The following PFDN1 variants were observed in gnomAD, a reference collection of about 807,000 sequenced individuals.
PFDN1 encodes the protein prefoldin 1.
Under a neutral mutation model 17.3 loss-of-function variants are expected in PFDN1, and 6 were observed. The ratio of observed to expected loss-of-function variants is 0.35; its 90% confidence interval spans 0.19 to 0.69. The LOEUF (loss-of-function observed/expected upper bound fraction) is 0.69. Ranked by LOEUF, PFDN1 falls within the 30% of genes least tolerant of loss-of-function variation. PFDN1 has a pLI of 0.65. For synonymous variants in PFDN1, 58 were observed against 50.1 expected (o/e 1.16, Z -0.67); for missense variants, 113 against 146.2 (o/e 0.77, Z 1.17).
rs1645408202 is a variant in PFDN1, at chr5:140,245,739, C to T, written c.*235G>A. The T allele has an allele frequency of 1.6e-6, 1 of 611,504 alleles. No individual in the cohort carries two copies. Among genetic ancestry groups the T allele is most frequent in the Non-Finnish European group, 2.9e-6 (1 of 344,076 alleles). The allele number at this position is 611,504 out of a possible 1,614,324, so 37.9% of individuals were successfully genotyped here. A position where few individuals can be genotyped will look rare whatever the true frequency, so the allele number is the denominator to read the frequency against. ...TCCCATCTTCCCTCTCCTGGGAGTT[C>T]ATCACACATCCCGAGAGGGAAGAGT... On this transcript the variant is annotated 3_prime_UTR_variant, in exon 4 of 4. Transcript: ENST00000261813.
intron 2 of PFDN1, among the ~76,000 whole-genome samples, chr5:140,295,657 T>C (rs1005857589): frequency 1.3e-5 from 2 of 152,180 alleles, no homozygotes; most frequent in African/African-American, 2.4e-5. Flanking sequence ...GGATGGAATA[T>C]AGCTTTGAGC....
intron 3 of PFDN1, among the ~76,000 whole-genome samples, chr5:140,251,125 G>A (rs1360264286): frequency 2.6e-5 from 4 of 151,932 alleles, no homozygotes; most frequent in South Asian, 4.2e-4. Flanking sequence ...TAGTAGAGAC[G>A]GGGTTTCACC....
In PFDN1 at chr5:140,254,455, C is replaced by T. The variant is rs1041984763; in HGVS notation, c.286-8398G>A. On this transcript the variant is annotated intron_variant, in intron 3 of 3. Coordinates refer to ENST00000261813, the MANE Select transcript of PFDN1 (RefSeq NM_002622.5). The surrounding 1 kb of genome is among the most constrained non-coding windows in gnomAD (Gnocchi z 4.4). ...AAGTTCATGGCATCATGCTTAGCCA[C>T]CGGACTCCCCCCTCCTTGTTGCTTC... is the stretch of plus-strand genomic sequence containing the variant. Among the ~76,000 whole-genome samples, 3 of 152,170 alleles carry T rather than the reference C, an allele frequency of 2.0e-5. No individual in the cohort carries two copies. Among genetic ancestry groups the T allele is most frequent in the African/African-American group, 7.2e-5 (3 of 41,418 alleles).
At chr5:140,286,312 T>A (rs1765487447) in intron 2 of PFDN1, among the ~76,000 whole-genome samples, 1 of 147,222 alleles carries the variant, frequency 6.8e-6, no homozygotes, top group African/African-American at 2.5e-5. Context: ...CTCGAGAGGC[T>A]GAGACAGGAA....
chr5:140,277,637 A>C (rs1249563161), intron 3 of PFDN1, among the ~76,000 whole-genome samples: 3 of 150,976 alleles, frequency 2.0e-5, no homozygotes, highest in Non-Finnish European at 4.4e-5. Context: ...CTGAGGTGGG[A>C]GGATTGCTTA....
At chr5:140,302,330 T>C (rs1056242618) in intron 1 of PFDN1, among the ~76,000 whole-genome samples, 8 of 152,244 alleles carry the variant, frequency 5.3e-5, no homozygotes, top group Non-Finnish European at 1.0e-4. Flanking sequence ...ATGCTGATCA[T>C]TCTTAGATAG....
chr5:140,268,659 A>C (rs77673711), intron 3 of PFDN1, among the ~76,000 whole-genome samples: 121 of 152,274 alleles, frequency 7.9e-4, no homozygotes, highest in East Asian at 5.2e-3. Context: ...ACAACAACAA[A>C]AAAAAGTTCA....
At chr5:140,298,079 T>C (rs191499888) in intron 2 of PFDN1, among the ~76,000 whole-genome samples, 25 of 152,316 alleles carry the variant, frequency 1.6e-4, no homozygotes, top group Admixed American at 1.2e-3. Context: ...TCCAATTCTT[T>C]TGTGTCCCAG....
chr5:140,253,041 C>T (rs1212171125), intron 3 of PFDN1, among the ~76,000 whole-genome samples: 1 of 152,214 alleles, frequency 6.6e-6, no homozygotes, highest in African/African-American at 2.4e-5. Flanking sequence ...CTGAGCTACA[C>T]CGCTGGGAGA....
At chr5:140,286,943 C>T (rs1173234119) in intron 2 of PFDN1, among the ~76,000 whole-genome samples, 1 of 151,984 alleles carries the variant, frequency 6.6e-6, no homozygotes, top group African/African-American at 2.4e-5. Flanking sequence ...TTACCAAGTA[C>T]AAAAATAAGA....
At chr5:140,281,281 A>G (rs1765393798) in intron 3 of PFDN1, 168 bp downstream of exon 3, 1 of 525,924 alleles carries the variant, frequency 1.9e-6, no homozygotes, top group South Asian at 2.5e-5. Context: ...TTGGTCTTAT[A>G]TGCGCTATGA....
intron 3 of PFDN1, among the ~76,000 whole-genome samples, chr5:140,264,020 CAAAAAAAAAAAAAAAAA>C (rs58605224): frequency 1.5e-3 from 82 of 55,568 alleles, no homozygotes; most frequent in Admixed American, 1.8e-3. Context: ...GACTCCATCT[CAAAAAAAAAAAAAAAAA>C]AAAAAAAAAA....
intron 2 of PFDN1, among the ~76,000 whole-genome samples, chr5:140,286,336 C>A (rs1034987461): frequency 2.7e-5 from 4 of 148,466 alleles, no homozygotes; most frequent in African/African-American, 9.9e-5. Context: ...CACTTGAACC[C>A]ATGAGACGGA....
At chr5:140,294,247 G>T (rs1453254863) in intron 2 of PFDN1, among the ~76,000 whole-genome samples, 1 of 151,886 alleles carries the variant, frequency 6.6e-6, no homozygotes, top group Non-Finnish European at 1.5e-5. Flanking sequence ...TCTGCTGAGA[G>T]CAACAATATA....
chr5:140,273,159 C>T (rs745638150), intron 3 of PFDN1, among the ~76,000 whole-genome samples: 4 of 151,184 alleles, frequency 2.6e-5, no homozygotes, highest in Non-Finnish European at 4.4e-5. Flanking sequence ...GCAGAAGAAT[C>T]GCTTGAACCC....
chr5:140,279,852 G>C (rs1295338103), intron 3 of PFDN1, among the ~76,000 whole-genome samples: 4 of 151,458 alleles, frequency 2.6e-5, no homozygotes, highest in Non-Finnish European at 5.9e-5. Context: ...AAAATTAGCA[G>C]GGCGTGGTGG....
At chr5:140,293,066 T>C (rs1561517723) in intron 2 of PFDN1, 1 of 152,100 alleles carries the variant, frequency 6.6e-6, no homozygotes, top group Non-Finnish European at 1.5e-5. Context: ...TTGGTATGGC[T>C]TAAAATTGAC....
At chr5:140,256,599 C>A (rs111321909) in intron 3 of PFDN1, among the ~76,000 whole-genome samples, 3 of 142,324 alleles carry the variant, frequency 2.1e-5, no homozygotes, top group Admixed American at 7.2e-5. Context: ...CCCTCCCTGA[C>A]TTCCCCATCT....
intron 2 of PFDN1, among the ~76,000 whole-genome samples, chr5:140,286,904 C>T (rs553225112): frequency 6.6e-6 from 1 of 152,122 alleles, no homozygotes; most frequent in African/African-American, 2.4e-5. Flanking sequence ...CCACCATGCC[C>T]GGCCAAAGTT....
Sources: gnomAD v4.1 joint callset for allele counts (sites outside exome capture counted in the v4.1 genomes callset) on GRCh38, gnomAD v4.1.1 for gene constraint, Gnocchi (gnomAD v3.1) non-coding constraint, MANE v1.5 for transcripts, NCBI Gene and HGNC (gene_info 2026-07-23, HGNC 2026-07-21) for gene names.